TRHDE: variants seen among roughly 807,000 people sequenced by gnomAD.
The protein encoded by TRHDE is thyrotropin-releasing hormone-degrading ectoenzyme.
A neutral mutation model predicts 125.7 loss-of-function variants in TRHDE; 72 were observed. The ratio of observed to expected loss-of-function variants is 0.57; its 90% CI spans 0.47 to 0.70. The LOEUF (loss-of-function observed/expected upper bound fraction) is 0.70, where lower values mean the gene tolerates loss of function less well. TRHDE is among the 30% of genes least tolerant of loss of function. TRHDE has a pLI of 0.00. For synonymous variants in TRHDE, 509 were observed against 509.1 expected, an observed-to-expected ratio of 1.00 and a Z score of 0.00; for missense variants, 1,110 against 1,327.1, an observed-to-expected ratio of 0.84 and a Z score of 2.54.
chr12:72,618,867 A>G, intron 12 of TRHDE, 24 bp from the exon 13 acceptor site: 1 of 1,439,038 alleles, frequency 6.9e-7, no homozygotes, highest in Non-Finnish European at 9.2e-7. Flanking sequence ...ATCATCATGT[A>G]TCTTTTTTTT....
intron 6 of TRHDE, among the ~76,000 whole-genome samples, chr12:72,512,598 C>A (rs1878652382): frequency 3.7e-5 from 5 of 136,080 alleles, no homozygotes; most frequent in African/African-American, 8.2e-5. Flanking sequence ...CATATATAAT[C>A]ATATATATAA....
Position 72,238,339 on chromosome 12 carries a change from T to TAATATATA in TRHDE, n.279+132587_279+132588insAATATATA, listed in dbSNP as rs1483769640. ...ATATATATACATATATATATACACA[T>TAATATATA]TATATATATATATATATATATATAC... On this transcript the variant is annotated intron_variant and non_coding_transcript_variant, in intron 2 of 4. Transcript: ENST00000548156. Among the ~76,000 whole-genome samples, 21 of 21,156 alleles carry TAATATATA rather than the reference T, an allele frequency of 9.9e-4. 3 individuals carry two copies. The highest frequency in any genetic ancestry group is 2.3e-3 in the African/African-American group (17 of 7,346). The allele number at this position is 21,156 out of a possible 152,430, so 13.9% of individuals were successfully genotyped here.
At chr12:72,203,158 AGG>A (rs1310387395) in intron 2 of TRHDE, among the ~76,000 whole-genome samples, 1 of 151,988 alleles carries the variant, frequency 6.6e-6, no homozygotes, top group Non-Finnish European at 1.5e-5. Flanking sequence ...AGAGAGAGAG[AGG>A]AGAGACAGAG....
At chr12:72,250,837 G>GATATATATATATATATATATATATAT (rs376713479) in intron 2 of TRHDE, among the ~76,000 whole-genome samples, 244 of 117,828 alleles carry the variant, frequency 2.1e-3, no homozygotes, top group Middle Eastern at 0.01. Flanking sequence ...ATGACTTACA[G>GATATATATATATATATATATATATAT]ATATATATAT....
intron 2 of TRHDE, among the ~76,000 whole-genome samples, chr12:72,111,410 T>G (rs1875312703): frequency 1.3e-5 from 2 of 152,120 alleles, no homozygotes; most frequent in African/African-American, 4.8e-5. Flanking sequence ...AAACCTTCCC[T>G]CAGTAGTTTA....
chr12:72,270,706 G>A (rs987879462), upstream of TRHDE, among the ~76,000 whole-genome samples: 3 of 152,162 alleles, frequency 2.0e-5, no homozygotes, highest in African/African-American at 7.2e-5. Context: ...AAACACTGGA[G>A]ACTCCTGCTT....
At chr12:72,157,904 A>G (rs747632203) in intron 2 of TRHDE, among the ~76,000 whole-genome samples, 8 of 152,152 alleles carry the variant, frequency 5.3e-5, no homozygotes, top group Non-Finnish European at 7.3e-5. Context: ...TTGAGAAAGG[A>G]GCCTGTGATT....
intron 5 of TRHDE, among the ~76,000 whole-genome samples, chr12:72,489,003 T>C (rs1205502005): frequency 6.6e-6 from 1 of 151,694 alleles, no homozygotes; most frequent in African/African-American, 2.4e-5. Context: ...CAAAAGCAGT[T>C]CTAAGGGAGG....
upstream of TRHDE, chr12:72,271,682 T>C (rs1879217105): frequency 2.9e-6 from 1 of 340,482 alleles, no homozygotes; most frequent in African/African-American, 2.2e-5. Flanking sequence ...TCAATGCAGC[T>C]GGAGTAGCCC....
chr12:72,107,555 TAG>T (rs1875216577), intron 2 of TRHDE, among the ~76,000 whole-genome samples: 2 of 152,182 alleles, frequency 1.3e-5, no homozygotes, highest in Non-Finnish European at 2.9e-5. Context: ...CTGAACTCTT[TAG>T]AATCTTCCAA....
At chr12:72,252,370 A>G (rs1477627916) in intron 2 of TRHDE, among the ~76,000 whole-genome samples, 1 of 152,094 alleles carries the variant, frequency 6.6e-6, no homozygotes, top group African/African-American at 2.4e-5. Flanking sequence ...CTTCAGCACA[A>G]CTTGTTGCAA....
chr12:72,193,816 C>T lies in TRHDE; in HGVS notation n.279+88064C>T, dbSNP rs1425314416. Among the ~76,000 whole-genome samples the T allele has an allele frequency of 2.0e-5, 3 of 152,068 alleles. No homozygotes were observed. The East Asian group carries it at 5.8e-4, about 29-fold the overall frequency. ...CAGTCTCCATTCTATGGAAATTTTC[C>T]ATTTTGGATAATAATTTTTTCAAAA... On this transcript the variant is annotated intron_variant and non_coding_transcript_variant, in intron 2 of 4. Transcript: ENST00000548156.
At chr12:72,469,693 A>G (rs1876549571) in intron 3 of TRHDE, 65 bp from the exon 4 acceptor site, 1 of 1,528,396 alleles carries the variant, frequency 6.5e-7, no homozygotes, top group South Asian at 1.2e-5. Context: ...GACACTTTTT[A>G]GGATATAAAT....
At chr12:72,276,895 T>C (rs1009268017) in intron 1 of TRHDE, among the ~76,000 whole-genome samples, 3 of 152,146 alleles carry the variant, frequency 2.0e-5, no homozygotes, top group African/African-American at 7.2e-5. Context: ...GACAAAAGAG[T>C]ATGCTTGCTT....
chr12:72,585,353 T>C (rs1159151522), intron 12 of TRHDE, among the ~76,000 whole-genome samples: 1 of 152,236 alleles, frequency 6.6e-6, no homozygotes, highest in Non-Finnish European at 1.5e-5. Flanking sequence ...GTTGGAATTC[T>C]TGCTCTATGA....
Position 72,646,581 on chromosome 12 carries a change from G to A in TRHDE, c.2676-5741G>A, listed in dbSNP as rs189965341. Among the ~76,000 whole-genome samples the A allele has an allele frequency of 1.6e-4, 24 of 152,144 alleles. No homozygotes were observed. The East Asian group carries it at 2.9e-3, about 18-fold the overall frequency. The stretch of plus-strand genomic sequence containing the variant: ...AGCAAGACCTACATGCACAGTGTTG[G>A]TAAGAGTCTCACTTTAGCTTTAAGG... On this transcript the variant is annotated intron_variant, in intron 15 of 18. Transcript: ENST00000261180.
chr12:72,351,962 C>T (rs1185685966), intron 2 of TRHDE, among the ~76,000 whole-genome samples: 1 of 151,956 alleles, frequency 6.6e-6, no homozygotes, highest in African/African-American at 2.4e-5. Flanking sequence ...TCTTCTTCTG[C>T]AGATGTTGGC....
At chr12:72,212,930 C>A (rs1184132495) in intron 2 of TRHDE, among the ~76,000 whole-genome samples, 1 of 152,006 alleles carries the variant, frequency 6.6e-6, no homozygotes, top group Admixed American at 6.6e-5. Context: ...AAAAACAATT[C>A]AAATGTCTAT....
intron 2 of TRHDE, among the ~76,000 whole-genome samples, chr12:72,367,597 T>G (rs1871391937): frequency 6.6e-6 from 1 of 152,180 alleles, no homozygotes; most frequent in Non-Finnish European, 1.5e-5. Context: ...GAGCTTTTAG[T>G]TTCTTGTTTA....
Sources: gnomAD v4.1 joint callset for allele counts (sites outside exome capture counted in the v4.1 genomes callset) on GRCh38, gnomAD v4.1.1 for gene constraint, MANE v1.5 for transcripts, NCBI Gene and HGNC (gene_info 2026-07-23, HGNC 2026-07-21) for gene names.